MYCBP2: variants seen among roughly 807,000 people sequenced by gnomAD.
The protein encoded by MYCBP2 is MYC binding protein 2.
A neutral mutation model predicts 525.3 loss-of-function variants in MYCBP2; 120 were observed. The ratio of observed to expected loss-of-function variants is 0.23; its 90% CI spans 0.20 to 0.27. MYCBP2 has a LOEUF of 0.27. Ranked by LOEUF, MYCBP2 falls within the 10% of genes least tolerant of loss-of-function variation. The pLI, the probability that MYCBP2 is intolerant of heterozygous loss-of-function variation, is 1.00. For synonymous variants in MYCBP2, 1,894 were observed against 1,955.8 expected (o/e 0.97, Z 0.83); for missense variants, 4,149 against 5,657.1 (o/e 0.73, Z 8.55).
chr13:77,313,247 A>G (rs2080493482), intron 1 of MYCBP2, among the ~76,000 whole-genome samples: 1 of 152,110 alleles, frequency 6.6e-6, no homozygotes, highest in African/African-American at 2.4e-5. Flanking sequence ...TTAAATACTT[A>G]TATTGGAAGA....
chr13:77,196,690 A>C (rs1010348319), intron 26 of MYCBP2, among the ~76,000 whole-genome samples: 6 of 152,244 alleles, frequency 3.9e-5, no homozygotes, highest in Admixed American at 1.3e-4. Context: ...GAGTCAGTTA[A>C]CTGGGATGGG....
At chr13:77,107,588 A>C (rs889685235) in intron 55 of MYCBP2, among the ~76,000 whole-genome samples, 2 of 152,062 alleles carry the variant, frequency 1.3e-5, no homozygotes, top group African/African-American at 4.8e-5. Context: ...AAATACAAAA[A>C]TTAGGCAGGT....
chr13:77,228,147 G>C (rs1294684514), intron 18 of MYCBP2, among the ~76,000 whole-genome samples: 1 of 151,824 alleles, frequency 6.6e-6, no homozygotes, highest in African/African-American at 2.4e-5. Flanking sequence ...AAAGAAAAAA[G>C]GCACTTAATA....
Position 77,211,297 on chromosome 13 carries a change from C to T in MYCBP2, c.3286G>A (p.Glu1096Lys), listed in dbSNP as rs768764578. The change falls in exon 23 of 83, where the codon GAA becomes AAA. Residue 1096 changes from glutamate (E) to lysine (K), a missense_variant. Coordinates refer to ENST00000544440, the MANE Select transcript of MYCBP2 (RefSeq NM_015057.5). ...AGAAGGCATTTAAATGGAGGAGGTT[C>T]TGATATAGAAGCAGGTACCAAGCCT... The part of the protein sequence containing the change: ...IIGLVPASIS[E>K]PPPFKCLLIN... 8 of 1,483,654 alleles carry T rather than the reference C, an allele frequency of 5.4e-6. No individual in the cohort carries two copies. Among genetic ancestry groups the T allele is most frequent in the South Asian group, 1.5e-5 (1 of 65,118 alleles). The allele number at this position is 1,483,654 out of a possible 1,614,324, so 91.9% of individuals were successfully genotyped here. A position where few individuals can be genotyped will look rare whatever the true frequency, so the allele number is the denominator to read the frequency against.
Position 77,055,484 on chromosome 13 carries a change from C to T in MYCBP2, c.13647+74G>A, listed in dbSNP as rs372016633. On this transcript the variant is annotated intron_variant, in intron 80 of 82. Coordinates refer to ENST00000544440, the MANE Select transcript of MYCBP2 (RefSeq NM_015057.5). ...CTTAAGATGGAATAATTAGATATCA[C>T]TGTACAATTTGAATTCTTAATCATA... is the stretch of plus-strand genomic sequence containing the variant. 2.6e-5 allele frequency: 31 copies of T among 1,197,060 alleles called. No individual in the cohort carries two copies. The African/African-American group carries it at 2.7e-4, about 11-fold the overall frequency. The allele number at this position is 1,197,060 out of a possible 1,614,324, so 74.2% of individuals were successfully genotyped here.
At chr13:77,197,249 A>T (rs1396223353) in intron 26 of MYCBP2, among the ~76,000 whole-genome samples, 1 of 152,206 alleles carries the variant, frequency 6.6e-6, no homozygotes, top group Non-Finnish European at 1.5e-5. Context: ...GGAGACAGAA[A>T]GTATAGAAAG....
chr13:77,326,041 T>G lies in MYCBP2; in HGVS notation c.302+433A>C, dbSNP rs192112697. 6.6e-6 allele frequency among the ~76,000 whole-genome samples: 1 copy of G among 151,954 alleles called. No individual in the cohort carries two copies. Among genetic ancestry groups the G allele is most frequent in the Non-Finnish European group, 1.5e-5 (1 of 68,002 alleles). ...GGAGAGGCGGCACGTGCAAATAACA[T>G]TGCGGCAGAGACACTGAAAACGCCA... is the stretch of plus-strand genomic sequence containing the variant. On this transcript the variant is annotated intron_variant, in intron 1 of 82. Transcript: ENST00000544440. The surrounding 1 kb of genome is among the most constrained non-coding windows in gnomAD (Gnocchi z 4.2).
At chr13:77,076,718 G>A in intron 68 of MYCBP2, 33 bp downstream of exon 68, 3 of 1,290,418 alleles carry the variant, frequency 2.3e-6, no homozygotes, top group Non-Finnish European at 3.3e-6. Context: ...AATAAAAAAG[G>A]GAAATAAATA....
chr13:77,088,158 A>T (rs973175498), intron 61 of MYCBP2, among the ~76,000 whole-genome samples: 17 of 151,850 alleles, frequency 1.1e-4, no homozygotes, highest in African/African-American at 4.1e-4. Context: ...GTTTTAATTT[A>T]AAAAAAACAG....
At chr13:77,244,876 A>G (rs1042721974) in intron 15 of MYCBP2, among the ~76,000 whole-genome samples, 1 of 152,218 alleles carries the variant, frequency 6.6e-6, no homozygotes, top group African/African-American at 2.4e-5. Context: ...ACTTCTTACA[A>G]GAAGACATTT....
intron 18 of MYCBP2, among the ~76,000 whole-genome samples, chr13:77,230,332 T>C (rs1158082744): frequency 6.6e-6 from 1 of 152,138 alleles, no homozygotes; most frequent in Non-Finnish European, 1.5e-5. Flanking sequence ...GGATAGAACA[T>C]AGCAATCAAT....
chr13:77,126,583 T>A, intron 52 of MYCBP2, 41 bp from the exon 53 acceptor site: 1 of 1,494,200 alleles, frequency 6.7e-7, no homozygotes, highest in Non-Finnish European at 9.2e-7. Flanking sequence ...CAAAATACAA[T>A]CTATTATCAC....
chr13:77,208,322 G>A (rs1016696316), intron 23 of MYCBP2, among the ~76,000 whole-genome samples: 1 of 152,144 alleles, frequency 6.6e-6, no homozygotes, highest in Non-Finnish European at 1.5e-5. Context: ...ACAATTCTGT[G>A]AGCCTATCTT....
Position 77,205,476 on chromosome 13 carries a change from C to G in MYCBP2, c.3712G>C (p.Glu1238Gln), listed in dbSNP as rs368641011. The G allele has an allele frequency of 2.5e-6, 4 of 1,612,952 alleles. No individual in the cohort carries two copies. Among genetic ancestry groups the G allele is most frequent in the Non-Finnish European group, 8.5e-7 (1 of 1,179,650 alleles). The change falls in exon 25 of 83, where the codon GAA (glutamate) becomes CAA (glutamine). Residue 1238 changes from glutamate to glutamine, a missense_variant. Around this residue, in one of 21 missense-constraint regions of MYCBP2, gnomAD observed 620 missense variants for 795.5 expected, o/e 0.78. Transcript: ENST00000544440. ...TCCTAAACCGAAGTATACATACTTTCAAACCTGTTTACCACACTATAATCT... is the reference window on the plus strand; with the variant it reads ...TCCTAAACCGAAGTATACATACTTTGAAACCTGTTTACCACACTATAATCT... ...KEDYSVVNRF[E>Q]SHGGGWGYSA...
At chr13:77,264,045 A>G (rs776876660) in intron 8 of MYCBP2, 43 bp from the exon 9 acceptor site, 1 of 1,524,862 alleles carries the variant, frequency 6.6e-7, no homozygotes, top group Admixed American at 1.8e-5. Flanking sequence ...ACAAGCAAAC[A>G]CCTTGCAAAA....
intron 15 of MYCBP2, among the ~76,000 whole-genome samples, chr13:77,248,745 A>C (rs901068707): frequency 6.6e-6 from 1 of 152,206 alleles, no homozygotes; most frequent in Non-Finnish European, 1.5e-5. Context: ...CATATAGTCC[A>C]ACAATTCCAC....
intron 14 of MYCBP2, among the ~76,000 whole-genome samples, chr13:77,256,190 G>A (rs1390859062): frequency 1.3e-5 from 2 of 152,036 alleles, no homozygotes; most frequent in Non-Finnish European, 2.9e-5. Context: ...TAGTTGTCAA[G>A]AACAGGTTAA....
intron 54 of MYCBP2, among the ~76,000 whole-genome samples, chr13:77,124,223 T>C (rs550507480): frequency 1.1e-4 from 16 of 152,216 alleles, no homozygotes; most frequent in South Asian, 2.1e-4. Context: ...ATTCTAGAGC[T>C]TGAGTTTCCT....
chr13:77,222,774 T>A (rs1039794548), intron 20 of MYCBP2, among the ~76,000 whole-genome samples: 34 of 152,304 alleles, frequency 2.2e-4, no homozygotes, highest in African/African-American at 7.5e-4. Flanking sequence ...ATCTTTACCA[T>A]GTAAATGGCA....
Sources: gnomAD v4.1 joint callset for allele counts (sites outside exome capture counted in the v4.1 genomes callset) on GRCh38, gnomAD v4.1.1 for gene constraint, gnomAD v4.1.1 regional missense constraint, Gnocchi (gnomAD v3.1) non-coding constraint, MANE v1.5 for transcripts, NCBI Gene and HGNC (gene_info 2026-07-23, HGNC 2026-07-21) for gene names.